Variants in PRDM16 observed in about 807,000 individuals in gnomAD.
PRDM16 encodes the protein PR/SET domain 16, also known as histone-lysine N-methyltransferase PRDM16.
Under a neutral mutation model 110.6 loss-of-function variants are expected in PRDM16, and 23 were observed. That is an observed-to-expected ratio of 0.21 (90% CI 0.15 to 0.29). The LOEUF (loss-of-function observed/expected upper bound fraction) is 0.29. Ranked by LOEUF, PRDM16 falls within the 10% of genes least tolerant of loss-of-function variation. The pLI is 1.00. For synonymous variants in PRDM16, 799 were observed against 781.8 expected, an observed-to-expected ratio of 1.02 and a Z score of -0.37; for missense variants, 1,615 against 1,794.3, an observed-to-expected ratio of 0.90 and a Z score of 1.81.
intron 2 of PRDM16, among the ~76,000 whole-genome samples, chr1:3,212,350 C>T (rs914732379): frequency 6.6e-6 from 1 of 152,174 alleles, no homozygotes; most frequent in African/African-American, 2.4e-5. Context: ...GATCTTGACA[C>T]CCCTCTGGCC....
chr1:3,234,784 A>G (rs993932214), intron 2 of PRDM16, among the ~76,000 whole-genome samples: 3 of 152,254 alleles, frequency 2.0e-5, no homozygotes, highest in African/African-American at 7.2e-5. Flanking sequence ...ATTATTCGGT[A>G]AATGCCACGT....
chr1:3,263,733 C>T (rs184453086), intron 3 of PRDM16, among the ~76,000 whole-genome samples: 17 of 152,348 alleles, frequency 1.1e-4, no homozygotes, highest in East Asian at 3.9e-4. Flanking sequence ...GCTGCCTGGA[C>T]GGCAAGATGG....
chr1:3,168,582 C>T (rs1643989055), intron 1 of PRDM16, among the ~76,000 whole-genome samples: 1 of 150,028 alleles, frequency 6.7e-6, no homozygotes, highest in South Asian at 2.2e-4. Flanking sequence ...CCCGCCCCAC[C>T]CCCGCCCCTC....
intron 2 of PRDM16, among the ~76,000 whole-genome samples, chr1:3,236,004 G>A (rs1639531450): frequency 6.6e-6 from 1 of 152,160 alleles, no homozygotes; most frequent in Non-Finnish European, 1.5e-5. Flanking sequence ...GGGAAGGTCT[G>A]AACGTGGTAA....
rs1000479170 is a variant in PRDM16, at chr1:3,235,624, G to A, written c.388-8463G>A. 2.6e-5 allele frequency among the ~76,000 whole-genome samples: 4 copies of A among 152,120 alleles called. No individual in the cohort carries two copies. The East Asian group carries it at 5.8e-4, about 22-fold the overall frequency. On this transcript the variant is annotated intron_variant, in intron 2 of 16. Transcript: ENST00000270722. The stretch of plus-strand genomic sequence containing the variant: ...TCCCCACACCAGGTCACCCCCACCC[G>A]CTCTCACCTTGCTCCATCAGCAGGG...
intron 8 of PRDM16, among the ~76,000 whole-genome samples, chr1:3,409,809 G>A (rs961966159): frequency 3.2e-5 from 3 of 93,770 alleles, no homozygotes; most frequent in African/African-American, 1.2e-4. Context: ...TGTGGTGTAT[G>A]TGTGCATGTG....
At chr1:3,095,773 G>T (rs1474830732) in intron 1 of PRDM16, among the ~76,000 whole-genome samples, 1 of 152,050 alleles carries the variant, frequency 6.6e-6, no homozygotes, top group Admixed American at 6.5e-5. Context: ...GTGGAGTTGG[G>T]GGTGATGTAT....
At chr1:3,149,179 A>G (rs898090655) in intron 1 of PRDM16, among the ~76,000 whole-genome samples, 6 of 152,148 alleles carry the variant, frequency 3.9e-5, no homozygotes, top group African/African-American at 1.4e-4. Context: ...AGCCTGGGCA[A>G]AGAGCCTGCA....
At position 3,143,487 on chromosome 1, in the gene PRDM16, C is replaced by T. The variant is rs1643591004; in HGVS notation, c.38-42638C>T. ...ACTTTATTATTAGTATTATTATTAT[C>T]ATTTTTGTGAGATGGAGTCTTGCTC... On this transcript the variant is annotated intron_variant, in intron 1 of 16. Transcript: ENST00000270722. This position sits in a 1 kb window ranked among gnomAD's most constrained non-coding sequence, Gnocchi z 4.5. Among the ~76,000 whole-genome samples the T allele has an allele frequency of 2.6e-5, 4 of 152,054 alleles. No homozygotes were observed. Among genetic ancestry groups the T allele is most frequent in the Admixed American group, 6.6e-5 (1 of 15,254 alleles).
chr1:3,387,323 C>T (rs1341388965), intron 4 of PRDM16, among the ~76,000 whole-genome samples: 3 of 152,196 alleles, frequency 2.0e-5, no homozygotes, highest in Admixed American at 6.5e-5. Flanking sequence ...TCTCCAACAC[C>T]GCCTCAAGGG....
chr1:3,368,746 C>G (rs1457651153), intron 3 of PRDM16, among the ~76,000 whole-genome samples: 1 of 152,124 alleles, frequency 6.6e-6, no homozygotes, highest in Non-Finnish European at 1.5e-5. Context: ...TCAATAGAGG[C>G]AGATCTGCCA....
intron 3 of PRDM16, among the ~76,000 whole-genome samples, chr1:3,257,351 A>G (rs1640074277): frequency 6.6e-6 from 1 of 152,104 alleles, no homozygotes; most frequent in African/African-American, 2.4e-5. Flanking sequence ...AGTATGAGGG[A>G]GGGCACTGCT....
At chr1:3,369,822 C>A (rs918386302) in intron 3 of PRDM16, among the ~76,000 whole-genome samples, 1 of 152,346 alleles carries the variant, frequency 6.6e-6, no homozygotes, top group Admixed American at 6.5e-5. Flanking sequence ...CACCAAGAAT[C>A]CTTTGCCAAT....
intron 1 of PRDM16, among the ~76,000 whole-genome samples, chr1:3,126,180 G>A (rs780856742): frequency 6.6e-6 from 1 of 152,168 alleles, no homozygotes; most frequent in Admixed American, 6.5e-5. Context: ...GCCGCTGGCC[G>A]CTCTTCCCGG....
At chr1:3,327,978 G>C (rs1641954924) in intron 3 of PRDM16, among the ~76,000 whole-genome samples, 1 of 152,230 alleles carries the variant, frequency 6.6e-6, no homozygotes, top group South Asian at 2.1e-4. Flanking sequence ...AAAATGCTGG[G>C]TTTTCTCAGA....
At chr1:3,095,609 G>A (rs1341162675) in intron 1 of PRDM16, among the ~76,000 whole-genome samples, 1 of 152,118 alleles carries the variant, frequency 6.6e-6, no homozygotes, top group African/African-American at 2.4e-5. Context: ...TGACAGGACG[G>A]TCTCCTCCTT....
intron 4 of PRDM16, among the ~76,000 whole-genome samples, chr1:3,395,033 C>CCTT (rs1486469440): frequency 6.6e-6 from 1 of 152,238 alleles, no homozygotes; most frequent in East Asian, 1.9e-4. Flanking sequence ...TGCCTGTCCT[C>CCTT]CTTCGTGCAG....
intron 3 of PRDM16, among the ~76,000 whole-genome samples, chr1:3,365,665 C>T (rs903137652): frequency 6.6e-6 from 1 of 152,328 alleles, no homozygotes; most frequent in African/African-American, 2.4e-5. Flanking sequence ...GGTGTCAGGC[C>T]CTGAAGCTGC....
At chr1:3,172,465 G>A (rs956446476) in intron 1 of PRDM16, among the ~76,000 whole-genome samples, 2 of 152,202 alleles carry the variant, frequency 1.3e-5, no homozygotes, top group Admixed American at 6.5e-5. Flanking sequence ...AGAGCACGCC[G>A]TAGATTCAGA....
Sources: gnomAD v4.1 joint callset for allele counts (sites outside exome capture counted in the v4.1 genomes callset) on GRCh38, gnomAD v4.1.1 for gene constraint, Gnocchi (gnomAD v3.1) non-coding constraint, MANE v1.5 for transcripts, NCBI Gene and HGNC (gene_info 2026-07-23, HGNC 2026-07-21) for gene names.